Variants in NBAS observed in about 807,000 individuals in gnomAD.
The protein encoded by NBAS is NAG/BC035112 fusion.
In NBAS, 219 loss-of-function variants were observed where a neutral mutation model predicts 302.5. The observed-to-expected ratio is 0.72, with a 90% confidence interval of 0.65 to 0.81. The LOEUF is 0.81. Among genes scored for constraint, NBAS ranks in the 30% least tolerant of loss-of-function variants. The pLI, the probability that NBAS is intolerant of heterozygous loss-of-function variation, is 0.00. For missense variants in NBAS, 2,932 were observed against 2,841.6 expected (o/e 1.03, Z -0.72); for synonymous variants, 1,118 against 1,021.6 (o/e 1.09, Z -1.80).
the NBAS span, among the ~76,000 whole-genome samples, chr2:15,085,267 C>T: frequency 6.6e-6 from 1 of 152,058 alleles, no homozygotes; most frequent in Admixed American, 6.5e-5. Context: ...TTCAGGGACC[C>T]GACCAGTGGT....
chr2:15,234,580 C>T lies in NBAS; in HGVS notation c.6111G>A (p.Val2037=), dbSNP rs1414785876. Residue 2037 remains valine, a synonymous_variant, in exon 46 of 52, where the codon GTG becomes GTA. Transcript: ENST00000281513. ...AAATTATTTTCATGATTGCACTCTGCACTATATCCTTGGGTGAGATGTCAA... is the reference window on the plus strand; with the variant it reads ...AAATTATTTTCATGATTGCACTCTGTACTATATCCTTGGGTGAGATGTCAA... ...GPLDISPKDI[V]QSAIMKIISA... is the part of the protein sequence containing the mutation. The T allele has an allele frequency of 2.5e-6, 4 of 1,614,114 alleles. No homozygotes were observed. Among genetic ancestry groups the T allele is most frequent in the Non-Finnish European group, 3.4e-6 (4 of 1,180,010 alleles).
At chr2:14,875,355 C>G in the NBAS span, among the ~76,000 whole-genome samples, 1 of 152,270 alleles carries the variant, frequency 6.6e-6, no homozygotes, top group Non-Finnish European at 1.5e-5. Context: ...CATGGTGGCT[C>G]AAGCCTGTAA....
At chr2:15,257,199 T>A (rs1369939479) in intron 44 of NBAS, among the ~76,000 whole-genome samples, 10 of 152,198 alleles carry the variant, frequency 6.6e-5, no homozygotes. Context: ...TTGGCAATTT[T>A]AAAAATTACT....
the NBAS span, among the ~76,000 whole-genome samples, chr2:15,126,564 G>A: frequency 1.3e-5 from 2 of 152,134 alleles, no homozygotes; most frequent in Non-Finnish European, 2.9e-5. Flanking sequence ...CTCACCCGAG[G>A]GGCAAGGGAG....
At chr2:15,529,877 G>A (rs1388810121) in intron 9 of NBAS, among the ~76,000 whole-genome samples, 1 of 152,136 alleles carries the variant, frequency 6.6e-6, no homozygotes, top group African/African-American at 2.4e-5. Context: ...TTTTATAATT[G>A]TAATATGTTT....
the NBAS span, among the ~76,000 whole-genome samples, chr2:14,895,350 C>A: frequency 1.3e-5 from 2 of 152,184 alleles, no homozygotes; most frequent in Non-Finnish European, 2.9e-5. Context: ...AAAAAAAACT[C>A]TTCTAGACAT....
the NBAS span, among the ~76,000 whole-genome samples, chr2:15,043,878 G>A: frequency 3.3e-5 from 5 of 152,222 alleles, no homozygotes; most frequent in African/African-American, 7.2e-5. Context: ...CAGGGCTCCC[G>A]GGGATTGTAA....
chr2:14,915,339 C>T, the NBAS span, among the ~76,000 whole-genome samples: 1 of 152,202 alleles, frequency 6.6e-6, no homozygotes, highest in African/African-American at 2.4e-5. Flanking sequence ...TCAGGAAGAG[C>T]TGCATTTGAA....
intron 11 of NBAS, among the ~76,000 whole-genome samples, chr2:15,501,175 C>T (rs1419691797): frequency 6.6e-6 from 1 of 151,658 alleles, no homozygotes; most frequent in Non-Finnish European, 1.5e-5. Flanking sequence ...GTGGCGGGTG[C>T]CTGTAGTCCC....
the NBAS span, among the ~76,000 whole-genome samples, chr2:15,085,486 G>A: frequency 2.6e-5 from 4 of 152,130 alleles, no homozygotes; most frequent in African/African-American, 9.7e-5. Flanking sequence ...AGCTCATGGC[G>A]GTATCACCCC....
At chr2:14,785,848 G>A in the NBAS span, among the ~76,000 whole-genome samples, 2 of 152,164 alleles carry the variant, frequency 1.3e-5, no homozygotes, top group African/African-American at 4.8e-5. Context: ...AATGAGTTAG[G>A]GAGGATTCCC....
rs574052098 is a variant in NBAS, at chr2:15,467,554, TTG to T, written c.2018+108_2018+109del. On this transcript the variant is annotated intron_variant, in intron 18 of 51. Coordinates refer to ENST00000281513, the MANE Select transcript of NBAS (RefSeq NM_015909.4). ...AAGGGTAAGATAATAGTAAGTACAT[TTG>T]ATCTAAGTTGCTAAAATAATTTGGA... 4.6e-4 allele frequency: 602 copies of T among 1,299,094 alleles called. 7 individuals are homozygous for T. In the South Asian group the frequency reaches 7.2e-3, roughly 15 times the overall value. 80.5% of individuals were successfully genotyped at this position (1,299,094 alleles called of 1,614,324 possible). A position where few individuals can be genotyped will look rare whatever the true frequency, so the allele number is the denominator to read the frequency against.
At chr2:15,212,365 G>A (rs994409510) in intron 48 of NBAS, among the ~76,000 whole-genome samples, 1 of 152,184 alleles carries the variant, frequency 6.6e-6, no homozygotes, top group Non-Finnish European at 1.5e-5. Context: ...ACCTGAGCAT[G>A]ATACTCGCGG....
chr2:15,010,875 C>G, the NBAS span, among the ~76,000 whole-genome samples: 7 of 152,180 alleles, frequency 4.6e-5, no homozygotes, highest in Non-Finnish European at 8.8e-5. Context: ...TGATTTCACA[C>G]TAACATAACA....
At chr2:15,107,822 T>C in the NBAS span, among the ~76,000 whole-genome samples, 12 of 152,258 alleles carry the variant, frequency 7.9e-5, no homozygotes, top group East Asian at 1.9e-3. Context: ...AGAGATTCCT[T>C]TGTGCCCCTT....
chr2:15,038,280 T>C, the NBAS span, among the ~76,000 whole-genome samples: 2 of 151,758 alleles, frequency 1.3e-5, no homozygotes, highest in Admixed American at 1.3e-4. Flanking sequence ...CCCAGCTAAT[T>C]TTCGTATTTT....
At chr2:15,547,234 G>C (rs1664157991) in intron 6 of NBAS, among the ~76,000 whole-genome samples, 1 of 152,104 alleles carries the variant, frequency 6.6e-6, no homozygotes, top group Non-Finnish European at 1.5e-5. Flanking sequence ...TCAGTTTGTA[G>C]ACTCTGCAAT....
chr2:14,799,898 G>T, the NBAS span, among the ~76,000 whole-genome samples: 1 of 152,146 alleles, frequency 6.6e-6, no homozygotes, highest in Non-Finnish European at 1.5e-5. Context: ...TTTAGTGATA[G>T]TATGGATTAT....
chr2:15,200,655 AT>A (rs1665832309), intron 48 of NBAS, among the ~76,000 whole-genome samples: 1 of 152,158 alleles, frequency 6.6e-6, no homozygotes, highest in Non-Finnish European at 1.5e-5. Flanking sequence ...ACATAAGAAT[AT>A]TTTTTTCCCT....
Sources: gnomAD v4.1 joint callset for allele counts (sites outside exome capture counted in the v4.1 genomes callset) on GRCh38, gnomAD v4.1.1 for gene constraint, MANE v1.5 for transcripts, NCBI Gene and HGNC (gene_info 2026-07-23, HGNC 2026-07-21) for gene names.